The following TENM4 variants were observed in gnomAD, a reference collection of about 807,000 sequenced individuals.
The protein encoded by TENM4 is teneurin transmembrane protein 4.
Under a neutral mutation model 243.3 loss-of-function variants are expected in TENM4, and 82 were observed. The ratio of observed to expected loss-of-function variants is 0.34; its 90% confidence interval spans 0.28 to 0.40. The LOEUF (loss-of-function observed/expected upper bound fraction) is 0.40, where lower values mean the gene tolerates loss of function less well. Ranked by LOEUF, TENM4 falls within the 10% of genes least tolerant of loss-of-function variation. The pLI is 1.00. For synonymous variants in TENM4, 1,412 were observed against 1,456.3 expected, an observed-to-expected ratio of 0.97 and a Z score of 0.69; for missense variants, 3,138 against 3,673.3, an observed-to-expected ratio of 0.85 and a Z score of 3.77.
intron 29 of TENM4, 88 bp downstream of exon 29, chr11:78,687,966 A>T: frequency 1.4e-6 from 2 of 1,472,102 alleles, no homozygotes; most frequent in Non-Finnish European, 1.8e-6. Context: ...GGGCAGCTCC[A>T]GCAGCAGCCT....
At chr11:78,999,745 G>A (rs919624580) in intron 6 of TENM4, among the ~76,000 whole-genome samples, 1 of 152,104 alleles carries the variant, frequency 6.6e-6, no homozygotes, top group African/African-American at 2.4e-5. Context: ...GAAACTGACT[G>A]AGAGTGGGAC....
chr11:79,119,474 A>T (rs1861694495), intron 4 of TENM4, among the ~76,000 whole-genome samples: 1 of 152,322 alleles, frequency 6.6e-6, no homozygotes, highest in South Asian at 2.1e-4. Context: ...AAGGATAATC[A>T]AGGAAAGAAA....
chr11:79,069,939 G>T lies in TENM4; in HGVS notation c.6C>A (p.Asp2Glu). The change falls in exon 5 of 34, where the codon GAC becomes GAA. Residue 2 changes from aspartate to glutamate, a missense_variant. By Grantham distance (45) the Asp-to-Glu change is conservative (BLOSUM62 2). Coordinates refer to ENST00000278550, the MANE Select transcript of TENM4 (RefSeq NM_001098816.3). The part of the protein sequence containing the change: M[D>E]VKERKPYRSL... ...AGCGGTAAGGCTTCCTCTCCTTCAC[G>T]TCCATGGCCTCCGGCCCGCGCTCCT... 1 of 1,545,704 alleles carries T rather than the reference G, an allele frequency of 6.5e-7. No individual in the cohort carries two copies. The highest frequency in any genetic ancestry group is 8.7e-7 in the Non-Finnish European group (1 of 1,146,420).
intron 26 of TENM4, among the ~76,000 whole-genome samples, chr11:78,709,479 C>T (rs1429009352): frequency 6.6e-6 from 1 of 152,206 alleles, no homozygotes; most frequent in Admixed American, 6.5e-5. Context: ...CCTGACCCAA[C>T]TTGTGTGACC....
intron 9 of TENM4, among the ~76,000 whole-genome samples, chr11:78,864,922 G>A (rs893878672): frequency 6.6e-6 from 1 of 152,192 alleles, no homozygotes; most frequent in Admixed American, 6.5e-5. Context: ...AGAAGGCCTA[G>A]AGGAGGGGGT....
intron 6 of TENM4, among the ~76,000 whole-genome samples, chr11:79,027,189 A>G (rs954758762): frequency 2.6e-5 from 4 of 152,182 alleles, no homozygotes; most frequent in Non-Finnish European, 5.9e-5. Context: ...TAGGGCAGAA[A>G]ATGCTTCTAA....
chr11:78,665,263 T>C (rs1858129347), intron 32 of TENM4, among the ~76,000 whole-genome samples: 1 of 152,032 alleles, frequency 6.6e-6, no homozygotes, highest in Non-Finnish European at 1.5e-5. Context: ...TTTTTCTTTT[T>C]TTTTCCTCTG....
chr11:78,913,834 C>T (rs1445219320), intron 6 of TENM4, among the ~76,000 whole-genome samples: 2 of 152,122 alleles, frequency 1.3e-5, no homozygotes, highest in East Asian at 3.9e-4. Context: ...GCTGATCCTT[C>T]TCAAGGTCTC....
intron 6 of TENM4, among the ~76,000 whole-genome samples, chr11:78,912,304 G>C (rs1346776578): frequency 6.6e-6 from 1 of 152,188 alleles, no homozygotes; most frequent in African/African-American, 2.4e-5. Flanking sequence ...GCCCAGGCTG[G>C]AGTGCAGTGG....
chr11:78,926,906 C>T lies in TENM4; in HGVS notation c.494-23383G>A, dbSNP rs141468557. 3.5e-4 allele frequency among the ~76,000 whole-genome samples: 53 copies of T among 152,084 alleles called. No homozygotes were observed. In the East Asian group the frequency reaches 9.8e-3, roughly 28 times the overall value. On this transcript the variant is annotated intron_variant, in intron 6 of 33. Transcript: ENST00000278550. ...AGAAATGTTTATTTACCTGGCTTTG[C>T]GTGATTTTCTAGGTTTGAGAGATAA...
rs190822961 is a variant in TENM4 at position 79,261,995 on chromosome 11, T to G, written c.-265+35493A>C. 7.3e-3 allele frequency among the ~76,000 whole-genome samples: 1,104 copies of G among 152,274 alleles called. 27 individuals are homozygous for G. Among genetic ancestry groups the G allele is most frequent in the Non-Finnish European group, 5.7e-3 (390 of 68,026 alleles). On this transcript the variant is annotated intron_variant, in intron 2 of 33. Transcript: ENST00000278550. ...CAGCCCTGTAAGGATTTTCTTATAT[T>G]TTGAAGAAATAGCCTTCGGGATAGA... is the stretch of plus-strand genomic sequence containing the variant.
intron 6 of TENM4, among the ~76,000 whole-genome samples, chr11:79,063,787 A>T (rs1276308393): frequency 6.6e-6 from 1 of 152,168 alleles, no homozygotes; most frequent in African/African-American, 2.4e-5. Context: ...GAGGTGTGTG[A>T]ACCAGGTGTC....
chr11:79,345,716 T>C (rs980261816), intron 1 of TENM4, among the ~76,000 whole-genome samples: 7 of 152,228 alleles, frequency 4.6e-5, no homozygotes, highest in African/African-American at 1.4e-4. Context: ...ACCTACTTCA[T>C]ACATTATTGA....
intron 1 of TENM4, chr11:79,402,005 A>G (rs1318676800): frequency 2.5e-6 from 1 of 393,170 alleles, no homozygotes; most frequent in Non-Finnish European, 5.8e-6. Flanking sequence ...GTGAGAAGAG[A>G]GATGACTAGG....
At chr11:78,940,264 C>A (rs760740122) in intron 6 of TENM4, among the ~76,000 whole-genome samples, 2 of 152,166 alleles carry the variant, frequency 1.3e-5, no homozygotes, top group Non-Finnish European at 2.9e-5. Flanking sequence ...TTAATGACTA[C>A]CTAAAATTTC....
At chr11:78,741,737 T>A (rs1384774438) in intron 19 of TENM4, among the ~76,000 whole-genome samples, 1 of 152,124 alleles carries the variant, frequency 6.6e-6, no homozygotes, top group African/African-American at 2.4e-5. Context: ...ACACTGAGGG[T>A]TGGGCACTCG....
At chr11:78,912,675 G>T (rs1358111391) in intron 6 of TENM4, among the ~76,000 whole-genome samples, 1 of 152,210 alleles carries the variant, frequency 6.6e-6, no homozygotes, top group Non-Finnish European at 1.5e-5. Context: ...TAGGACTGGG[G>T]GAGAGTGCCC....
At chr11:79,125,359 G>A (rs892167261) in intron 4 of TENM4, among the ~76,000 whole-genome samples, 1 of 152,130 alleles carries the variant, frequency 6.6e-6, no homozygotes, top group Non-Finnish European at 1.5e-5. Context: ...AGCAGATAGT[G>A]AGCCTCAAAT....
At chr11:79,177,223 C>T (rs1020568292) in intron 3 of TENM4, among the ~76,000 whole-genome samples, 5 of 151,888 alleles carry the variant, frequency 3.3e-5, no homozygotes, top group Non-Finnish European at 4.4e-5. Context: ...GAACTGTTCT[C>T]ATTAAAGCAG....
Sources: gnomAD v4.1 joint callset for allele counts (sites outside exome capture counted in the v4.1 genomes callset) on GRCh38, gnomAD v4.1.1 for gene constraint, MANE v1.5 for transcripts, NCBI Gene and HGNC (gene_info 2026-07-23, HGNC 2026-07-21) for gene names.